Variants in MIR2052HG observed in about 807,000 individuals in gnomAD.
MIR2052HG encodes the protein MIR2052 host gene.
intron 5 of MIR2052HG, among the ~76,000 whole-genome samples, chr8:74,755,204 A>G (rs1809987242): frequency 6.6e-6 from 1 of 152,232 alleles, no homozygotes; most frequent in African/African-American, 2.4e-5. Flanking sequence ...GTTTTTTAAA[A>G]AAATTCAACA....
At chr8:74,719,842 CTTTTTTCTTTTTTT>C (rs1809556708) in intron 4 of MIR2052HG, among the ~76,000 whole-genome samples, 2 of 92,846 alleles carry the variant, frequency 2.2e-5, no homozygotes, top group Non-Finnish European at 4.1e-5. Context: ...TTTTTTTTTT[CTTTTTTCTTTTTTT>C]TTTTTTTTTT....
At chr8:74,664,691 A>G (rs1257993689) in intron 2 of MIR2052HG, among the ~76,000 whole-genome samples, 3 of 151,830 alleles carry the variant, frequency 2.0e-5, no homozygotes, top group Non-Finnish European at 2.9e-5. Context: ...CTAATATTTT[A>G]TATTTTTAGT....
At chr8:74,737,416 T>C (rs925023473) in intron 4 of MIR2052HG, among the ~76,000 whole-genome samples, 1 of 152,178 alleles carries the variant, frequency 6.6e-6, no homozygotes, top group African/African-American at 2.4e-5. Flanking sequence ...CCATTTTCAA[T>C]AAATCCCTGC....
chr8:74,696,547 A>G (rs929613521), intron 2 of MIR2052HG, among the ~76,000 whole-genome samples: 1 of 152,168 alleles, frequency 6.6e-6, no homozygotes, highest in Non-Finnish European at 1.5e-5. Context: ...TTTTGAAAAG[A>G]TAAATAAAAT....
intron 5 of MIR2052HG, among the ~76,000 whole-genome samples, chr8:74,753,084 C>T (rs1027309382): frequency 2.6e-5 from 4 of 152,174 alleles, no homozygotes; most frequent in South Asian, 2.1e-4. Flanking sequence ...TGCTGAAAGA[C>T]GTTCAGAAAT....
intron 2 of MIR2052HG, among the ~76,000 whole-genome samples, chr8:74,676,430 C>A (rs1586911056): frequency 6.6e-6 from 1 of 151,778 alleles, no homozygotes; most frequent in South Asian, 2.1e-4. Context: ...ATTAATAAAA[C>A]TTCTGTGCAG....
At chr8:74,610,028 T>C (rs918783569) in intron 1 of MIR2052HG, 3 of 151,938 alleles carry the variant, frequency 2.0e-5, no homozygotes, top group African/African-American at 7.2e-5. Flanking sequence ...GGGAAATGTA[T>C]GGCACCAACT....
chr8:74,689,619 T>A (rs531068719), intron 2 of MIR2052HG, among the ~76,000 whole-genome samples: 1 of 152,344 alleles, frequency 6.6e-6, no homozygotes, highest in African/African-American at 2.4e-5. Context: ...GTCAACCACC[T>A]CTCTTCATTT....
chr8:74,754,908 A>G (rs1236612789), intron 5 of MIR2052HG, among the ~76,000 whole-genome samples: 1 of 152,198 alleles, frequency 6.6e-6, no homozygotes, highest in Non-Finnish European at 1.5e-5. Context: ...TGATCTGTCA[A>G]TTTTAACAAC....
chr8:74,697,021 A>ACACCAAAAC (rs1809305064), intron 2 of MIR2052HG, among the ~76,000 whole-genome samples: 2 of 152,070 alleles, frequency 1.3e-5, no homozygotes, highest in East Asian at 3.9e-4. Context: ...AAAGGACATA[A>ACACCAAAAC]CAGAAAAGAA....
chr8:74,749,804 G>A (rs942701311), intron 4 of MIR2052HG, among the ~76,000 whole-genome samples: 3 of 144,136 alleles, frequency 2.1e-5, no homozygotes, highest in East Asian at 2.2e-4. Flanking sequence ...AGCCGAGATC[G>A]TGCCACTGCA....
At chr8:74,618,078 C>T (rs1025334550) in intron 2 of MIR2052HG, among the ~76,000 whole-genome samples, 2 of 152,180 alleles carry the variant, frequency 1.3e-5, no homozygotes, top group Non-Finnish European at 2.9e-5. Context: ...GTCCTTGAAC[C>T]TTTTCTCTGC....
chr8:74,635,314 A>G lies in MIR2052HG; in HGVS notation n.216+22374A>G, dbSNP rs1391028365. Reference sequence around the variant, plus strand: ...TTAAACATACATAAATAAATATAACATGAGATGAAGTTTGTCAGGTGTCTA... The same window carrying G: ...TTAAACATACATAAATAAATATAACGTGAGATGAAGTTTGTCAGGTGTCTA... On this transcript the variant is annotated intron_variant and non_coding_transcript_variant, in intron 2 of 6. Transcript: ENST00000523442. Among the ~76,000 whole-genome samples, 4 of 152,158 alleles carry G rather than the reference A, an allele frequency of 2.6e-5. No individual in the cohort carries two copies. The East Asian group carries it at 7.7e-4, about 29-fold the overall frequency.
At chr8:74,614,700 C>T (rs2128731788) in intron 2 of MIR2052HG, among the ~76,000 whole-genome samples, 1 of 151,056 alleles carries the variant, frequency 6.6e-6, no homozygotes, top group Middle Eastern at 3.4e-3. Context: ...CCTTTCCTTT[C>T]TTCTCAATTT....
chr8:74,627,984 G>A (rs1808458316), intron 2 of MIR2052HG, among the ~76,000 whole-genome samples: 1 of 152,134 alleles, frequency 6.6e-6, no homozygotes, highest in Admixed American at 6.5e-5. Context: ...GTTGAACATG[G>A]CATAAGGATT....
At chr8:74,673,594 AG>A (rs1809016291) in intron 2 of MIR2052HG, among the ~76,000 whole-genome samples, 1 of 152,026 alleles carries the variant, frequency 6.6e-6, no homozygotes, top group South Asian at 2.1e-4. Flanking sequence ...GGCTAAAAGC[AG>A]GACAAATTTT....
intron 4 of MIR2052HG, among the ~76,000 whole-genome samples, chr8:74,706,189 A>T (rs1053853088): frequency 6.6e-6 from 1 of 152,096 alleles, no homozygotes; most frequent in Non-Finnish European, 1.5e-5. Flanking sequence ...GGAAATATGA[A>T]ATTGCAGAAC....
At chr8:74,681,600 C>T (rs1024553279) in intron 2 of MIR2052HG, among the ~76,000 whole-genome samples, 2 of 152,044 alleles carry the variant, frequency 1.3e-5, no homozygotes, top group African/African-American at 4.8e-5. Context: ...AGGCTCTGCC[C>T]TAATTCATGA....
At chr8:74,654,305 T>A (rs1808781423) in intron 2 of MIR2052HG, among the ~76,000 whole-genome samples, 1 of 152,072 alleles carries the variant, frequency 6.6e-6, no homozygotes, top group Admixed American at 6.6e-5. Flanking sequence ...ACTGGCTGCT[T>A]AGATTATGGA....
Sources: gnomAD v4.1 joint callset for allele counts (sites outside exome capture counted in the v4.1 genomes callset) on GRCh38, gnomAD v4.1.1 for gene constraint, MANE v1.5 for transcripts, NCBI Gene and HGNC (gene_info 2026-07-23, HGNC 2026-07-21) for gene names.